Variants in ATP13A5 observed in about 807,000 individuals in gnomAD.
The protein encoded by ATP13A5 is probable cation-transporting ATPase 13A5.
Under a neutral mutation model 150.2 loss-of-function variants are expected in ATP13A5, and 149 were observed. The ratio of observed to expected loss-of-function variants is 0.99; its 90% confidence interval spans 0.87 to 1.14. ATP13A5 has a LOEUF of 1.14. Ranked by LOEUF, ATP13A5 falls within the 50% of genes most tolerant of loss-of-function variation. The pLI, the probability that ATP13A5 is intolerant of heterozygous loss-of-function variation, is 0.00. For missense variants in ATP13A5, 1,383 were observed against 1,449.3 expected, an observed-to-expected ratio of 0.95 and a Z score of 0.74; for synonymous variants, 497 against 522.2, an observed-to-expected ratio of 0.95 and a Z score of 0.66.
At chr3:193,363,791 A>G (rs772893737) in intron 2 of ATP13A5, among the ~76,000 whole-genome samples, 15 of 152,178 alleles carry the variant, frequency 9.9e-5, no homozygotes, top group Non-Finnish European at 1.8e-4. Flanking sequence ...TTCCCATGTT[A>G]TGGTCTCTAA....
rs753509516 is a variant in ATP13A5 at position 193,284,935 on chromosome 3, G to A, written c.3205C>T (p.Arg1069Ter). ...AFIFSKGKPFRKPIYTNYIFS... is the reference protein window; with the variant it reads ...AFIFSKGKPF ...TTACAGTTTGTATAGATGGGTTTTC[G>A]AAATGGCTTTCCCTTAGAAAAGATG... The change falls in exon 27 of 30, where the codon CGA (arginine) becomes TGA (stop). Residue 1069 changes from arginine to a stop codon, truncating the protein, a stop_gained. Coordinates refer to ENST00000342358, the MANE Select transcript of ATP13A5 (RefSeq NM_198505.4). LOFTEE classifies it high-confidence loss of function. 58 of 1,613,520 alleles carry A rather than the reference G, an allele frequency of 3.6e-5. No individual in the cohort carries two copies. The highest frequency in any genetic ancestry group is 2.2e-4 in the East Asian group (10 of 44,862).
At chr3:193,319,865 T>C (rs1719197754) in intron 16 of ATP13A5, among the ~76,000 whole-genome samples, 1 of 152,238 alleles carries the variant, frequency 6.6e-6, no homozygotes, top group Non-Finnish European at 1.5e-5. Flanking sequence ...CCCATTTGAT[T>C]GTTCATTGTC....
intron 18 of ATP13A5, 78 bp from the exon 19 acceptor site, chr3:193,314,271 C>A: frequency 6.8e-7 from 1 of 1,478,792 alleles, no homozygotes; most frequent in Non-Finnish European, 9.2e-7. Context: ...CCCTTTTCCA[C>A]TCTGCTTGGT....
At position 193,301,196 on chromosome 3, in the gene ATP13A5, G is replaced by A; in HGVS notation, c.2775+15C>T. ...AATGCAATTAGAACTGAGACAAAAT[G>A]ATTTTGTTTCATACCCAATAGAGCA... On this transcript the variant is annotated intron_variant, in intron 24 of 29. Transcript: ENST00000342358. The A allele has an allele frequency of 6.3e-7, 1 of 1,577,560 alleles. No homozygotes were observed. The highest frequency in any genetic ancestry group is 8.7e-7 in the Non-Finnish European group (1 of 1,148,358).
At chr3:193,310,468 A>G (rs1479657229) in intron 21 of ATP13A5, among the ~76,000 whole-genome samples, 170 bp downstream of exon 21, 2 of 152,218 alleles carry the variant, frequency 1.3e-5, no homozygotes, top group Non-Finnish European at 2.9e-5. Context: ...TGGCTGAACT[A>G]ATTTACACTC....
chr3:193,299,087 T>C (rs372649438), intron 25 of ATP13A5, 44 bp downstream of exon 25: 2 of 1,474,696 alleles, frequency 1.4e-6, no homozygotes, highest in South Asian at 1.3e-5. Flanking sequence ...TAGAATTTCA[T>C]AGATAAATAA....
At chr3:193,362,993 G>A (rs536160524) in intron 3 of ATP13A5, among the ~76,000 whole-genome samples, 1 of 152,000 alleles carries the variant, frequency 6.6e-6, no homozygotes, top group African/African-American at 2.4e-5. Context: ...ATAGAGATGA[G>A]GTTTTGCCAT....
intron 10 of ATP13A5, 83 bp downstream of exon 10, chr3:193,334,846 C>A: frequency 7.4e-7 from 1 of 1,348,726 alleles, no homozygotes; most frequent in Non-Finnish European, 1.0e-6. Flanking sequence ...TGGCAGACTC[C>A]ATAATCCTAA....
In ATP13A5 at chr3:193,335,107, G is replaced by C; in HGVS notation, c.944-8C>G. The C allele has an allele frequency of 1.2e-6, 2 of 1,613,028 alleles. No individual in the cohort carries two copies. Among genetic ancestry groups the C allele is most frequent in the Non-Finnish European group, 1.7e-6 (2 of 1,179,200 alleles). On this transcript the variant is annotated splice_polypyrimidine_tract_variant and splice_region_variant and intron_variant, in intron 9 of 29. Transcript: ENST00000342358. ...TAACAGGTATACTTTCTCCTAAAGA[G>C]GATTGTATTTTGTTGAATCTATGTA...
chr3:193,295,845 A>G (rs1577331183), intron 25 of ATP13A5, among the ~76,000 whole-genome samples: 3 of 152,154 alleles, frequency 2.0e-5, no homozygotes, highest in Non-Finnish European at 4.4e-5. Flanking sequence ...TTATCAAGCA[A>G]TTCTTTAAAG....
At chr3:193,341,666 G>A (rs1712135257) in intron 9 of ATP13A5, among the ~76,000 whole-genome samples, 1 of 152,192 alleles carries the variant, frequency 6.6e-6, no homozygotes, top group Non-Finnish European at 1.5e-5. Context: ...TCTTAGGACA[G>A]TCAGACAAGG....
At chr3:193,355,856 C>T (rs556028049) in intron 5 of ATP13A5, among the ~76,000 whole-genome samples, 4 of 152,176 alleles carry the variant, frequency 2.6e-5, no homozygotes, top group African/African-American at 7.2e-5. Context: ...TCCCTCTCTC[C>T]GCTTTGAATG....
intron 9 of ATP13A5, among the ~76,000 whole-genome samples, chr3:193,340,089 G>A (rs934324046): frequency 3.9e-5 from 6 of 152,170 alleles, no homozygotes; most frequent in Non-Finnish European, 5.9e-5. Flanking sequence ...TGGGGTCCAA[G>A]GCAGCTGAAG....
chr3:193,351,127 A>G lies in ATP13A5; in HGVS notation c.681T>C (p.Ser227=), dbSNP rs1159463551. The G allele has an allele frequency of 6.2e-7, 1 of 1,613,744 alleles. No homozygotes were observed. The highest frequency in any genetic ancestry group is 8.5e-7 in the Non-Finnish European group (1 of 1,179,788). The change falls in exon 7 of 30, where the codon TCT becomes TCC. Residue 227 remains serine, a synonymous_variant. Transcript: ENST00000342358. ...TAACAGTCAAAATGATGATGGCCAC[A>G]GAGTATTCTATGTAACCTTGAGACA... ...LWLSQGYIEY[S]VAIIILTVIS...
chr3:193,319,547 C>T (rs1194596664), intron 16 of ATP13A5, among the ~76,000 whole-genome samples: 2 of 152,178 alleles, frequency 1.3e-5, no homozygotes, highest in Admixed American at 1.3e-4. Context: ...TCTCCGGGAA[C>T]CACGTTGGGC....
intron 1 of ATP13A5, 130 bp downstream of exon 1, chr3:193,378,533 C>G: frequency 1.2e-6 from 1 of 813,200 alleles, no homozygotes; most frequent in Non-Finnish European, 2.0e-6. Flanking sequence ...GGAACCTTAC[C>G]AGACTGAAAC....
intron 21 of ATP13A5, among the ~76,000 whole-genome samples, chr3:193,308,085 G>A (rs1202250647): frequency 6.6e-6 from 1 of 152,138 alleles, no homozygotes; most frequent in Non-Finnish European, 1.5e-5. Context: ...AATCAATAAG[G>A]AGAAAAAATA....
At chr3:193,359,681 G>C (rs957596503) in intron 5 of ATP13A5, among the ~76,000 whole-genome samples, 2 of 152,192 alleles carry the variant, frequency 1.3e-5, no homozygotes, top group Non-Finnish European at 2.9e-5. Context: ...AGTTGGCCAT[G>C]GATGGAATAT....
rs1343907894 is a variant in ATP13A5, at chr3:193,322,389, T to C, written c.1758+102A>G. Reference sequence around the variant, plus strand: ...AGCAAACCAACCGTGGAAACTGTTATGATAAGGCAAAATAATAGGACTATA... The same window carrying C: ...AGCAAACCAACCGTGGAAACTGTTACGATAAGGCAAAATAATAGGACTATA... On this transcript the variant is annotated intron_variant, in intron 15 of 29. Coordinates refer to ENST00000342358, the MANE Select transcript of ATP13A5 (RefSeq NM_198505.4). 5 of 943,148 alleles carry C rather than the reference T, an allele frequency of 5.3e-6. No homozygotes were observed. The Admixed American group carries it at 6.4e-5, about 12-fold the overall frequency. 58.4% of individuals were successfully genotyped at this position (943,148 alleles called of 1,614,324 possible).
Sources: allele counts gnomAD v4.1 joint callset (sites outside exome capture counted in the v4.1 genomes callset), GRCh38; gene constraint gnomAD v4.1.1; transcripts MANE v1.5; gene names NCBI Gene and HGNC (gene_info 2026-07-23, HGNC 2026-07-21).